Variants in RUNDC3B observed in about 807,000 individuals in gnomAD.
RUNDC3B encodes the protein RUN domain-containing protein 3B.
A neutral mutation model predicts 58.4 loss-of-function variants in RUNDC3B; 33 were observed. The observed-to-expected ratio is 0.56, with a 90% CI of 0.43 to 0.75. The LOEUF is 0.75. Among genes scored for constraint, RUNDC3B ranks in the 30% least tolerant of loss-of-function variants. The pLI is 0.00. For synonymous variants in RUNDC3B, 193 were observed against 195.2 expected (o/e 0.99, Z 0.10); for missense variants, 501 against 535.7 (o/e 0.94, Z 0.64).
At position 87,693,789 on chromosome 7, in the gene RUNDC3B, G is replaced by A; in HGVS notation, c.239-6632G>A. The A allele has an allele frequency of 6.9e-6, 6 of 866,100 alleles. No homozygotes were observed. In the South Asian group the frequency reaches 8.0e-5, roughly 12 times the overall value. 53.7% of individuals were successfully genotyped at this position (866,100 alleles called of 1,614,324 possible). A position where few individuals can be genotyped will look rare whatever the true frequency, so the allele number is the denominator to read the frequency against. Reference sequence around the variant, plus strand: ...CATTTATTTAGTAGGTAAAAGTAGTGTTTACTGCTTCAAAATTATATGTAG... The same window carrying A: ...CATTTATTTAGTAGGTAAAAGTAGTATTTACTGCTTCAAAATTATATGTAG... On this transcript the variant is annotated intron_variant, in intron 2 of 10. Transcript: ENST00000394654.
Position 87,716,858 on chromosome 7 carries a change from A to G in RUNDC3B, c.458+6203A>G, listed in dbSNP as rs535785031. Among the ~76,000 whole-genome samples, 3 of 152,316 alleles carry G rather than the reference A, an allele frequency of 2.0e-5. No individual in the cohort carries two copies. In the South Asian group the frequency reaches 6.2e-4, roughly 32 times the overall value. ...ATTATTACTTCTATGATTTTTTAAG[A>G]TAGGGTCTCACTCTGTCTTCTAGGC... On this transcript the variant is annotated intron_variant, in intron 4 of 10. Transcript: ENST00000394654.
At chr7:87,806,651 T>C (rs781496068) in intron 8 of RUNDC3B, among the ~76,000 whole-genome samples, 3 of 152,214 alleles carry the variant, frequency 2.0e-5, no homozygotes, top group Non-Finnish European at 4.4e-5. Context: ...CTTTTCTAAG[T>C]TGATATTAGG....
intron 3 of RUNDC3B, among the ~76,000 whole-genome samples, chr7:87,705,118 A>G: frequency 6.6e-6 from 1 of 152,164 alleles, no homozygotes; most frequent in Non-Finnish European, 1.5e-5. Context: ...ACAATCTCAT[A>G]CTTTTGTCTA....
intron 8 of RUNDC3B, among the ~76,000 whole-genome samples, chr7:87,785,199 A>C (rs2130895987): frequency 6.6e-6 from 1 of 152,108 alleles, no homozygotes; most frequent in African/African-American, 2.4e-5. Flanking sequence ...ATTTGTTCCA[A>C]GCTTTCTGTG....
chr7:87,713,549 G>A (rs954537630), intron 4 of RUNDC3B, among the ~76,000 whole-genome samples: 5 of 151,212 alleles, frequency 3.3e-5, no homozygotes, highest in South Asian at 2.1e-4. Context: ...CAAAAACCTC[G>A]AAGAGTTACA....
In RUNDC3B at chr7:87,787,212, C is replaced by G. The variant is rs532061226; in HGVS notation, c.956+9257C>G. Among the ~76,000 whole-genome samples the G allele has an allele frequency of 1.2e-4, 19 of 152,158 alleles. No individual in the cohort carries two copies. The South Asian group carries it at 3.7e-3, about 30-fold the overall frequency. ...CAGAACAGTGTGGATATTTTTGCAG[C>G]TATAGTGAAAGAGTGAATATGTTTT... On this transcript the variant is annotated intron_variant, in intron 8 of 10. Transcript: ENST00000394654.
At chr7:87,802,771 T>G (rs1836240279) in intron 8 of RUNDC3B, among the ~76,000 whole-genome samples, 1 of 151,902 alleles carries the variant, frequency 6.6e-6, no homozygotes, top group Non-Finnish European at 1.5e-5. Context: ...TTAGGAGGCC[T>G]AGGTAGGCGC....
rs184446446 is a variant in RUNDC3B, at chr7:87,784,580, A to G, written c.956+6625A>G. On this transcript the variant is annotated intron_variant, in intron 8 of 10. Coordinates refer to ENST00000394654, the MANE Select transcript of RUNDC3B (RefSeq NM_001134405.2). ...GAATTTATTTTTGTTTGGTGGTGTA[A>G]TTCAGGCTGTGATGCAGTAGATGGC... is the stretch of plus-strand genomic sequence containing the variant. Among the ~76,000 whole-genome samples the G allele has an allele frequency of 3.8e-3, 583 of 152,072 alleles. 3 individuals carry two copies. The highest frequency in any genetic ancestry group is 0.014 in the African/African-American group (562 of 41,484).
chr7:87,634,267 C>CA (rs1443650329), intron 1 of RUNDC3B, among the ~76,000 whole-genome samples: 2 of 152,120 alleles, frequency 1.3e-5, no homozygotes. Flanking sequence ...CAAATTTCAA[C>CA]ATGTCATTTG....
chr7:87,722,463 A>G (rs1444387670), intron 4 of RUNDC3B, among the ~76,000 whole-genome samples: 2 of 152,166 alleles, frequency 1.3e-5, no homozygotes, highest in Non-Finnish European at 2.9e-5. Flanking sequence ...TATTTCTTTT[A>G]AACTATTCTG....
At chr7:87,782,243 C>G (rs1273234116) in intron 8 of RUNDC3B, among the ~76,000 whole-genome samples, 1 of 152,102 alleles carries the variant, frequency 6.6e-6, no homozygotes, top group Admixed American at 6.6e-5. Context: ...TCTAGATTTT[C>G]TAGTTTGTGT....
At chr7:87,770,257 G>A (rs1412594170) in intron 6 of RUNDC3B, among the ~76,000 whole-genome samples, 9 of 151,938 alleles carry the variant, frequency 5.9e-5, no homozygotes, top group African/African-American at 1.2e-4. Context: ...TGTTTCCAGC[G>A]CATCTAGAGT....
rs1585137023 is a variant in RUNDC3B at position 87,700,029 on chromosome 7, A to G, written c.239-392A>G. 3.3e-5 allele frequency among the ~76,000 whole-genome samples: 5 copies of G among 152,066 alleles called. 1 individual carries two copies. The highest frequency in any genetic ancestry group is 3.3e-4 in the Admixed American group (5 of 15,268). Reference sequence around the variant, plus strand: ...TTTTTTTCTGTTTTTTTAAATAGAGAAAGGTTTAGAATTCAATTGGTGACA... The same window carrying G: ...TTTTTTTCTGTTTTTTTAAATAGAGGAAGGTTTAGAATTCAATTGGTGACA... On this transcript the variant is annotated intron_variant, in intron 2 of 10. Coordinates refer to ENST00000394654, the MANE Select transcript of RUNDC3B (RefSeq NM_001134405.2).
chr7:87,743,881 C>G (rs1832494200), intron 6 of RUNDC3B, among the ~76,000 whole-genome samples: 1 of 152,058 alleles, frequency 6.6e-6, no homozygotes, highest in African/African-American at 2.4e-5. Flanking sequence ...TCATGAAATC[C>G]TTGCCTAAGC....
intron 3 of RUNDC3B, among the ~76,000 whole-genome samples, chr7:87,703,062 C>T (rs901196828): frequency 6.6e-6 from 1 of 151,866 alleles, no homozygotes; most frequent in South Asian, 2.1e-4. Context: ...TTAGAAATTA[C>T]AGAATGAAAC....
chr7:87,672,709 A>G (rs979422930), intron 2 of RUNDC3B, among the ~76,000 whole-genome samples: 2 of 152,268 alleles, frequency 1.3e-5, no homozygotes, highest in South Asian at 4.2e-4. Flanking sequence ...ATGGGTTCAC[A>G]AGGAGATCTC....
rs530382686 is a variant in RUNDC3B at position 87,698,390 on chromosome 7, G to A, written c.239-2031G>A. Among the ~76,000 whole-genome samples the A allele has an allele frequency of 2.0e-5, 3 of 152,218 alleles. No individual in the cohort carries two copies. In the South Asian group the frequency reaches 6.2e-4, roughly 32 times the overall value. ...ATTACAGGCGTGAGCCACCGCACCG[G>A]CTGCAAAATTTTATTTTTAAAGAGA... On this transcript the variant is annotated intron_variant, in intron 2 of 10. Coordinates refer to ENST00000394654, the MANE Select transcript of RUNDC3B (RefSeq NM_001134405.2).
intron 4 of RUNDC3B, among the ~76,000 whole-genome samples, chr7:87,714,297 C>T (rs971382621): frequency 1.3e-4 from 20 of 152,010 alleles, no homozygotes; most frequent in African/African-American, 2.2e-4. Context: ...TCTGGTCCCA[C>T]GGTGCCAACA....
At position 87,697,018 on chromosome 7, in the gene RUNDC3B, C is replaced by T. The variant is rs28381733; in HGVS notation, c.239-3403C>T. 9.6e-3 allele frequency among the ~76,000 whole-genome samples: 1,456 copies of T among 152,248 alleles called. 10 individuals are homozygous for T. Among genetic ancestry groups the T allele is most frequent in the Middle Eastern group, 0.017 (5 of 294 alleles). Reference sequence around the variant, plus strand: ...TACTCTTTGGTTTTCAACAGCTCTACTTTGAAACATCCTACAAGTTATTTT... The same window carrying T: ...TACTCTTTGGTTTTCAACAGCTCTATTTTGAAACATCCTACAAGTTATTTT... On this transcript the variant is annotated intron_variant, in intron 2 of 10. Coordinates refer to ENST00000394654, the MANE Select transcript of RUNDC3B (RefSeq NM_001134405.2).
Sources: gnomAD v4.1 joint callset for allele counts (sites outside exome capture counted in the v4.1 genomes callset) on GRCh38, gnomAD v4.1.1 for gene constraint, MANE v1.5 for transcripts, NCBI Gene and HGNC (gene_info 2026-07-23, HGNC 2026-07-21) for gene names.